Variants in VNN2 observed in about 807,000 individuals in gnomAD.
VNN2 encodes pantetheine hydrolase VNN2.
Under a neutral mutation model 43.0 loss-of-function variants are expected in VNN2, and 43 were observed. That is an observed-to-expected ratio of 1.00 (90% confidence interval 0.78 to 1.29). The LOEUF is 1.29. VNN2 is among the 50% of genes most tolerant of loss of function. The pLI is 0.00. For synonymous variants in VNN2, 230 were observed against 224.3 expected (o/e 1.03, Z -0.23); for missense variants, 652 against 619.7 (o/e 1.05, Z -0.55).
At chr6:132,753,127 A>G (rs968551854) in intron 3 of VNN2, 9 of 199,992 alleles carry the variant, frequency 4.5e-5, no homozygotes, top group Non-Finnish European at 9.4e-5. Context: ...GCTCACTGCA[A>G]TCTCCACCTC....
At chr6:132,756,153 C>T (rs1485548073) in intron 2 of VNN2, 118 bp from the exon 3 acceptor site, 4 of 953,796 alleles carry the variant, frequency 4.2e-6, no homozygotes, top group Non-Finnish European at 4.5e-6. Context: ...AAAAACTATG[C>T]CTAAAAATAT....
chr6:132,748,871 C>T (rs558197110), intron 6 of VNN2, among the ~76,000 whole-genome samples: 1 of 152,230 alleles, frequency 6.6e-6, no homozygotes, highest in African/African-American at 2.4e-5. Flanking sequence ...TTTGAGGCTT[C>T]AGTGAGCTAT....
intron 5 of VNN2, 121 bp from the exon 6 acceptor site, chr6:132,749,986 G>T: frequency 2.1e-6 from 2 of 957,786 alleles, no homozygotes; most frequent in Non-Finnish European, 3.0e-6. Flanking sequence ...AAAGGGATTT[G>T]GATCATGTGT....
intron 3 of VNN2, among the ~76,000 whole-genome samples, chr6:132,754,221 GCAAA>G (rs1397483148): frequency 6.6e-6 from 1 of 152,022 alleles, no homozygotes; most frequent in Non-Finnish European, 1.5e-5. Flanking sequence ...TACAAATAAT[GCAAA>G]CAATCTCCCA....
chr6:132,745,293 G>A (rs1191007151), intron 6 of VNN2, among the ~76,000 whole-genome samples: 1 of 152,182 alleles, frequency 6.6e-6, no homozygotes, highest in Non-Finnish European at 1.5e-5. Flanking sequence ...TTGGCTCACT[G>A]CAACCTCCGC....
chr6:132,751,481 A>G lies in VNN2; in HGVS notation c.864T>C (p.Tyr288=), dbSNP rs2114565466. Residue 288 remains tyrosine (Y), a synonymous_variant, in exon 5 of 7, where the codon TAT becomes TAC. Coordinates refer to ENST00000326499, the MANE Select transcript of VNN2 (RefSeq NM_004665.6). ...GIYAPNGPKV[Y]HYDMKTELGK... Reference sequence around the variant, plus strand: ...CCAACTCTGTCTTCATGTCATAATGATACACTTTGGGACCATTTGGTGCAT... The same window carrying G: ...CCAACTCTGTCTTCATGTCATAATGGTACACTTTGGGACCATTTGGTGCAT... 6.2e-7 allele frequency: 1 copy of G among 1,614,016 alleles called. No individual in the cohort carries two copies. The highest frequency in any genetic ancestry group is 1.1e-5 in the South Asian group (1 of 91,066).
intron 3 of VNN2, chr6:132,753,987 T>C (rs1356913607): frequency 1.4e-5 from 2 of 141,832 alleles, no homozygotes; most frequent in Admixed American, 7.1e-5. Flanking sequence ...AAGGAATTGA[T>C]CGACAAAGGT....
At chr6:132,759,706 A>C (rs1449581391), upstream of VNN2, among the ~76,000 whole-genome samples, 1 of 152,170 alleles carries the variant, frequency 6.6e-6, no homozygotes, top group Non-Finnish European at 1.5e-5. Context: ...AGGGGCTATA[A>C]ATAAGATCTG....
Position 132,752,672 on chromosome 6 carries a change from C to A in VNN2, c.615G>T (p.Arg205Ser), listed in dbSNP as rs34492437. ...ELVTFNTAFG[R>S]FGIFTCFDIF... ...TATCAAAGCACGTGAAAATGCCAAA[C>A]CTTCCAAATGCGGTGTTGAAAGTCA... Residue 205 changes from arginine to serine, a missense_variant, in exon 4 of 7, where the codon AGG becomes AGT. Coordinates refer to ENST00000326499, the MANE Select transcript of VNN2 (RefSeq NM_004665.6). 11,445 of 1,614,104 alleles carry A rather than the reference C, an allele frequency of 7.1e-3. 77 individuals carry two copies. The highest frequency in any genetic ancestry group is 0.019 in the Middle Eastern group (116 of 6,060).
upstream of VNN2, among the ~76,000 whole-genome samples, chr6:132,759,594 G>A (rs1245935890): frequency 3.3e-5 from 5 of 152,078 alleles, no homozygotes; most frequent in East Asian, 5.8e-4. Flanking sequence ...TAAAAGTCAC[G>A]GAAATGCTTT....
chr6:132,751,156 C>G lies in VNN2; in HGVS notation c.1189G>C (p.Glu397Gln). ...FTGLHGRRRREYWQVCTLLKC... is the reference protein window; with the variant it reads ...FTGLHGRRRRQYWQVCTLLKC... ...TGAACTGAAATTACCTGCCAGTACTCTCTTCTCCTTCGGCCATGTAATCCT... is the reference window on the plus strand; with the variant it reads ...TGAACTGAAATTACCTGCCAGTACTGTCTTCTCCTTCGGCCATGTAATCCT... The change falls in exon 5 of 7, where the codon GAG (glutamate) becomes CAG (glutamine). Residue 397 changes from glutamate to glutamine, a missense_variant. Glu to Gln is a conservative substitution (Grantham distance 29). Coordinates refer to ENST00000326499, the MANE Select transcript of VNN2 (RefSeq NM_004665.6). 1 of 1,596,870 alleles carries G rather than the reference C, an allele frequency of 6.3e-7. No homozygotes were observed. Among genetic ancestry groups the G allele is most frequent in the Non-Finnish European group, 8.5e-7 (1 of 1,171,716 alleles).
rs139348170 is a variant in VNN2 at position 132,757,747 on chromosome 6, G to T, written c.137C>A (p.Ser46Tyr). The change falls in exon 1 of 7, where the codon TCT becomes TAT. Residue 46 changes from serine (S) to tyrosine (Y), a missense_variant. Ser to Tyr is a moderately radical substitution (Grantham distance 144). Coordinates refer to ENST00000326499, the MANE Select transcript of VNN2 (RefSeq NM_004665.6). Reference protein sequence around the residue: ...ILPNKTETPVSQEDALNLMNE... With the variant: ...ILPNKTETPVYQEDALNLMNE... Reference sequence around the variant, plus strand: ...CATGAGATTCAAGGCATCCTCCTGAGAAACTGGTGTTTCTGTTTTATTTGG... The same window carrying T: ...CATGAGATTCAAGGCATCCTCCTGATAAACTGGTGTTTCTGTTTTATTTGG... 6.2e-7 allele frequency: 1 copy of T among 1,614,114 alleles called. No individual in the cohort carries two copies. Among genetic ancestry groups the T allele is most frequent in the South Asian group, 1.1e-5 (1 of 91,082 alleles).
At chr6:132,755,767 T>A in intron 3 of VNN2, 76 bp downstream of exon 3, 9 of 1,410,162 alleles carry the variant, frequency 6.4e-6, no homozygotes, top group Non-Finnish European at 8.6e-6. Flanking sequence ...ATATAGGGAA[T>A]GAAATTCAAA....
chr6:132,752,313 A>T (rs1780156074), intron 4 of VNN2, 148 bp downstream of exon 4: 3 of 867,710 alleles, frequency 3.5e-6, no homozygotes, highest in Admixed American at 6.0e-5. Flanking sequence ...GCTTATAATC[A>T]AGTGCTAGCT....
Position 132,745,670 on chromosome 6 carries a change from A to G in VNN2, c.1372-1179T>C, listed in dbSNP as rs546498640. On this transcript the variant is annotated intron_variant, in intron 6 of 6. Transcript: ENST00000326499. ...CACTGGCTAGCGCTGAAGATTAGTGAAGAAGAGAAGAAGGAATATGATCAG... is the reference window on the plus strand; with the variant it reads ...CACTGGCTAGCGCTGAAGATTAGTGGAGAAGAGAAGAAGGAATATGATCAG... 1.2e-4 allele frequency among the ~76,000 whole-genome samples: 18 copies of G among 152,350 alleles called. No individual in the cohort carries two copies. In the South Asian group the frequency reaches 3.5e-3, roughly 30 times the overall value.
chr6:132,757,605 T>C (rs890422376), intron 1 of VNN2, 59 bp from the exon 2 acceptor site: 48 of 1,607,360 alleles, frequency 3.0e-5, no homozygotes, highest in Non-Finnish European at 3.9e-5. Flanking sequence ...ACAATTCAGC[T>C]CTCTCGTCTT....
chr6:132,753,628 T>A (rs1001498438), intron 3 of VNN2: 8 of 288,570 alleles, frequency 2.8e-5, no homozygotes, highest in African/African-American at 8.9e-5. Flanking sequence ...ATCTAAAAAA[T>A]AGAAAAGAAA....
At chr6:132,754,966 G>T (rs34454449) in intron 3 of VNN2, among the ~76,000 whole-genome samples, 9 of 152,284 alleles carry the variant, frequency 5.9e-5, no homozygotes, top group Admixed American at 5.9e-4. Context: ...TTGAGGTGAA[G>T]AGTTCAAAGA....
upstream of VNN2, chr6:132,760,524 C>T (rs1780714562): frequency 6.6e-6 from 1 of 151,872 alleles, no homozygotes; most frequent in Non-Finnish European, 1.5e-5. Flanking sequence ...CTTAAGAAGA[C>T]CATAGGCAAA....
Sources: gnomAD v4.1 joint callset for allele counts (sites outside exome capture counted in the v4.1 genomes callset) on GRCh38, gnomAD v4.1.1 for gene constraint, MANE v1.5 for transcripts, NCBI Gene and HGNC (gene_info 2026-07-23, HGNC 2026-07-21) for gene names.